Variants in TRIM55 observed in about 807,000 individuals in gnomAD.
TRIM55 encodes tripartite motif-containing protein 55.
A neutral mutation model predicts 60.9 loss-of-function variants in TRIM55; 50 were observed. That is an observed-to-expected ratio of 0.82 (90% CI 0.65 to 1.04). TRIM55 has a LOEUF of 1.04. Ranked by LOEUF, TRIM55 falls within the 50% of genes least tolerant of loss-of-function variation. The probability of loss-of-function intolerance (pLI) is 0.00; values close to 1 mark genes in which losing one functional copy is unlikely to be tolerated. For synonymous variants in TRIM55, 237 were observed against 238.1 expected (o/e 1.00, Z 0.04); for missense variants, 681 against 666.9 (o/e 1.02, Z -0.23).
chr8:66,165,452 A>G (rs995349487), intron 9 of TRIM55, among the ~76,000 whole-genome samples: 5 of 152,122 alleles, frequency 3.3e-5, no homozygotes, highest in African/African-American at 1.2e-4. Flanking sequence ...GACTAAGAAC[A>G]TGATTTCCCA....
the TRIM55 span, among the ~76,000 whole-genome samples, chr8:66,115,647 C>T: frequency 6.6e-6 from 1 of 152,160 alleles, no homozygotes. Flanking sequence ...AATTCACATA[C>T]AAAGCTCAAA....
At chr8:66,137,656 A>G (rs547560620) in intron 4 of TRIM55, among the ~76,000 whole-genome samples, 20 of 151,800 alleles carry the variant, frequency 1.3e-4, no homozygotes, top group Non-Finnish European at 2.5e-4. Flanking sequence ...CTGTAGTTAG[A>G]GAATGGCTCA....
chr8:66,150,132 C>T, intron 5 of TRIM55, 85 bp from the exon 6 acceptor site: 1 of 1,474,874 alleles, frequency 6.8e-7, no homozygotes, highest in Non-Finnish European at 9.3e-7. Flanking sequence ...ATGAGATTCT[C>T]AGAGTCAACA....
At chr8:66,172,240 A>T (rs1404400040) in intron 9 of TRIM55, among the ~76,000 whole-genome samples, 1 of 152,206 alleles carries the variant, frequency 6.6e-6, no homozygotes, top group Non-Finnish European at 1.5e-5. Flanking sequence ...GAGTTAACTA[A>T]CTTGTCCAAG....
chr8:66,132,542 C>T (rs1187647598), intron 2 of TRIM55, among the ~76,000 whole-genome samples: 1 of 152,136 alleles, frequency 6.6e-6, no homozygotes, highest in Admixed American at 6.5e-5. Flanking sequence ...TAGGGTGGCC[C>T]CGGGAACCTC....
At chr8:66,146,240 T>C (rs1181381050) in intron 4 of TRIM55, among the ~76,000 whole-genome samples, 1 of 152,186 alleles carries the variant, frequency 6.6e-6, no homozygotes, top group Non-Finnish European at 1.5e-5. Flanking sequence ...CACTATGAAG[T>C]ATAAACAAAT....
intron 9 of TRIM55, chr8:66,155,693 T>C (rs1427653838): frequency 6.2e-7 from 1 of 1,610,598 alleles, no homozygotes; most frequent in Admixed American, 1.7e-5. Context: ...ATTCAGTGCT[T>C]GATTTTTACT....
chr8:66,131,701 T>G (rs1809168601), intron 2 of TRIM55, among the ~76,000 whole-genome samples: 1 of 152,214 alleles, frequency 6.6e-6, no homozygotes, highest in Non-Finnish European at 1.5e-5. Context: ...TACTTCCACC[T>G]TCAGGACTAC....
chr8:66,167,418 C>T (rs1811386979), intron 9 of TRIM55, among the ~76,000 whole-genome samples: 1 of 152,148 alleles, frequency 6.6e-6, no homozygotes, highest in Admixed American at 6.5e-5. Flanking sequence ...ACAAAATTGT[C>T]AGCTCCATAT....
At chr8:66,163,074 T>C (rs1165344289) in intron 9 of TRIM55, among the ~76,000 whole-genome samples, 2 of 152,176 alleles carry the variant, frequency 1.3e-5, no homozygotes, top group African/African-American at 4.8e-5. Flanking sequence ...TCTGCACTTG[T>C]ATTTTGTACC....
At chr8:66,133,482 T>G (rs1269040613) in intron 2 of TRIM55, among the ~76,000 whole-genome samples, 1 of 152,150 alleles carries the variant, frequency 6.6e-6, no homozygotes, top group Admixed American at 6.5e-5. Flanking sequence ...GAGAGGAGGA[T>G]AATTTTCTCA....
At chr8:66,134,084 A>ATCTATTT (rs1809334852) in intron 2 of TRIM55, among the ~76,000 whole-genome samples, 1 of 152,204 alleles carries the variant, frequency 6.6e-6, no homozygotes, top group Admixed American at 6.5e-5. Context: ...TTATTTTAAC[A>ATCTATTT]ATGCAGATCA....
intron 1 of TRIM55, 149 bp downstream of exon 1, chr8:66,127,585 G>A (rs1808882981): frequency 2.3e-6 from 2 of 852,554 alleles, no homozygotes; most frequent in South Asian, 1.7e-5. Context: ...CCAGCACTTT[G>A]GGAGGCTGAG....
intron 4 of TRIM55, 98 bp from the exon 5 acceptor site, chr8:66,149,547 A>G (rs1810288485): frequency 4.2e-6 from 4 of 946,596 alleles, no homozygotes; most frequent in Non-Finnish European, 3.2e-6. Flanking sequence ...AAAATATCCT[A>G]CATAAGTAAA....
chr8:66,150,481 T>C lies in TRIM55; in HGVS notation c.985+15T>C, dbSNP rs1163994366. The C allele has an allele frequency of 6.2e-7, 1 of 1,613,568 alleles. No homozygotes were observed. Among genetic ancestry groups the C allele is most frequent in the Non-Finnish European group, 8.5e-7 (1 of 1,179,700 alleles). The stretch of plus-strand genomic sequence containing the variant: ...CTTTTACAGAGGTTTGTTATTCTTT[T>C]GACCATTTGGCCGAAGTTGCAGGTG... On this transcript the variant is annotated intron_variant, in intron 7 of 9. Transcript: ENST00000315962.
intron 9 of TRIM55, among the ~76,000 whole-genome samples, chr8:66,169,201 T>C (rs1304524487): frequency 6.6e-6 from 1 of 152,152 alleles, no homozygotes; most frequent in East Asian, 1.9e-4. Context: ...CAGGAAAGCA[T>C]TTGTTTAGTT....
intron 8 of TRIM55, among the ~76,000 whole-genome samples, chr8:66,152,830 G>A (rs1184508032): frequency 5.9e-5 from 9 of 151,832 alleles, no homozygotes; most frequent in Non-Finnish European, 1.3e-4. Context: ...TGTTGTTATT[G>A]TTAGTTAACA....
chr8:66,167,532 C>A (rs1454902913), intron 9 of TRIM55, among the ~76,000 whole-genome samples: 1 of 152,176 alleles, frequency 6.6e-6, no homozygotes, highest in Non-Finnish European at 1.5e-5. Flanking sequence ...ACACACTTAA[C>A]ACAAACCAAA....
In TRIM55 at chr8:66,174,655, C is replaced by G. The variant is rs184808135; in HGVS notation, c.*62C>G. ...TGAGATGCATGTGGGCAGCAGGAAGCCCAAGTGAAATTAATATTATGCAGA... is the reference window on the plus strand; with the variant it reads ...TGAGATGCATGTGGGCAGCAGGAAGGCCAAGTGAAATTAATATTATGCAGA... On this transcript the variant is annotated 3_prime_UTR_variant, in exon 10 of 10. Transcript: ENST00000315962. 4.5e-5 allele frequency: 67 copies of G among 1,476,262 alleles called. No homozygotes were observed. In the African/African-American group the frequency reaches 9.4e-4, roughly 21 times the overall value. 91.4% of individuals were successfully genotyped at this position (1,476,262 alleles called of 1,614,324 possible).
Sources: allele counts gnomAD v4.1 joint callset (sites outside exome capture counted in the v4.1 genomes callset), GRCh38; gene constraint gnomAD v4.1.1; transcripts MANE v1.5; gene names NCBI Gene and HGNC (gene_info 2026-07-23, HGNC 2026-07-21).